INPP1: variants seen among roughly 807,000 people sequenced by gnomAD.
INPP1 encodes inositol polyphosphate 1-phosphatase.
A neutral mutation model predicts 23.0 loss-of-function variants in INPP1; 18 were observed. That is an observed-to-expected ratio of 0.78 (90% CI 0.54 to 1.16). INPP1 has a LOEUF of 1.16. INPP1 is among the 50% of genes most tolerant of loss of function. INPP1 has a pLI of 0.00. For missense variants in INPP1, 448 were observed against 482.1 expected, an observed-to-expected ratio of 0.93 and a Z score of 0.66; for synonymous variants, 164 against 176.3, an observed-to-expected ratio of 0.93 and a Z score of 0.55.
At chr2:190,364,169 A>G (rs1689589786) in intron 4 of INPP1, among the ~76,000 whole-genome samples, 1 of 152,236 alleles carries the variant, frequency 6.6e-6, no homozygotes, top group East Asian at 1.9e-4. Context: ...TTGCTGATTC[A>G]GTCATCACTG....
intron 2 of INPP1, among the ~76,000 whole-genome samples, chr2:190,357,922 C>T (rs1689449109): frequency 6.6e-6 from 1 of 152,144 alleles, no homozygotes; most frequent in East Asian, 1.9e-4. Flanking sequence ...GACATATTTT[C>T]TCATAGTGGT....
chr2:190,343,941 C>A lies in INPP1; in HGVS notation c.-229C>A. 4.5e-6 allele frequency: 1 copy of A among 222,636 alleles called. No homozygotes were observed. The highest frequency in any genetic ancestry group is 4.8e-5 in the South Asian group (1 of 21,004). 13.8% of individuals were successfully genotyped at this position (222,636 alleles called of 1,614,324 possible). A position where few individuals can be genotyped will look rare whatever the true frequency, so the allele number is the denominator to read the frequency against. On this transcript the variant is annotated 5_prime_UTR_variant, in exon 1 of 7. In the 5' UTR this introduces an upstream ATG that the reference lacks. Coordinates refer to ENST00000392329, the MANE Select transcript of INPP1 (RefSeq NM_001128928.2). ...GAGGGAAAGGCTGCTGCCTCCTGCT[C>A]TGTCCTCATCCCCGGCTTAGGTAAC...
intron 6 of INPP1, 148 bp from the exon 7 acceptor site, chr2:190,370,696 C>A (rs1018502038): frequency 1.5e-6 from 1 of 664,402 alleles, no homozygotes. Flanking sequence ...AAACTAGCTA[C>A]CTGATATCTA....
In INPP1 at chr2:190,355,462, T is replaced by C. The variant is rs935207965; in HGVS notation, c.-64-4577T>C. ...AATAAGCAACCTGGAGAACTGGAGC[T>C]ATTAAATCTGTGTTTAGAGTTATAC... is the stretch of plus-strand genomic sequence containing the variant. On this transcript the variant is annotated intron_variant, in intron 2 of 6. Transcript: ENST00000392329. The surrounding 1 kb of genome is among the most constrained non-coding windows in gnomAD (Gnocchi z 5.1). Among the ~76,000 whole-genome samples, 2 of 152,136 alleles carry C rather than the reference T, an allele frequency of 1.3e-5. No individual in the cohort carries two copies. The highest frequency in any genetic ancestry group is 2.9e-5 in the Non-Finnish European group (2 of 68,034).
intron 2 of INPP1, among the ~76,000 whole-genome samples, chr2:190,349,869 A>G (rs1045072324): frequency 2.6e-5 from 4 of 152,250 alleles, no homozygotes; most frequent in Non-Finnish European, 4.4e-5. Flanking sequence ...TTTTTGAGAC[A>G]GAGTTCACCG....
In INPP1 at chr2:190,352,509, GT is replaced by G. The variant is rs1181167558; in HGVS notation, c.-65+3481del. Among the ~76,000 whole-genome samples, 3 of 152,196 alleles carry G rather than the reference GT, an allele frequency of 2.0e-5. No homozygotes were observed. Among genetic ancestry groups the G allele is most frequent in the African/African-American group, 7.2e-5 (3 of 41,440 alleles). On this transcript the variant is annotated intron_variant, in intron 2 of 6. Transcript: ENST00000392329. This position sits in a 1 kb window ranked among gnomAD's most constrained non-coding sequence, Gnocchi z 4.7. ...AATCTCTAGTAAGGCTTGTAGTACA[GT>G]TTCCCTCTGGCCTCACAGGAATCTC...
At position 190,371,521 on chromosome 2, in the gene INPP1, G is replaced by A; in HGVS notation, c.*119G>A. Reference sequence around the variant, plus strand: ...TTAACATTCACCTTCCTCTTTTGAGGAGTATTTTTCCATTATGTATTCATA... The same window carrying A: ...TTAACATTCACCTTCCTCTTTTGAGAAGTATTTTTCCATTATGTATTCATA... On this transcript the variant is annotated 3_prime_UTR_variant, in exon 7 of 7. Transcript: ENST00000392329. The surrounding 1 kb of genome is among the most constrained non-coding windows in gnomAD (Gnocchi z 5.3). 1.5e-6 allele frequency: 1 copy of A among 648,888 alleles called. No individual in the cohort carries two copies. Among genetic ancestry groups the A allele is most frequent in the Non-Finnish European group, 2.4e-6 (1 of 409,362 alleles). The allele number at this position is 648,888 out of a possible 1,614,324, so 40.2% of individuals were successfully genotyped here.
chr2:190,370,268 C>G (rs757595985), intron 6 of INPP1, among the ~76,000 whole-genome samples: 1 of 152,100 alleles, frequency 6.6e-6, no homozygotes, highest in Non-Finnish European at 1.5e-5. Flanking sequence ...AAGCCTGTTT[C>G]CTTATCTGTA....
chr2:190,368,992 C>A lies in INPP1; in HGVS notation c.467-111C>A. The stretch of plus-strand genomic sequence containing the variant: ...AATAACAATTCAATACAGTGACATC[C>A]AAAGGTAAAAAATTATTGGTTACCA... On this transcript the variant is annotated intron_variant, in intron 5 of 6. Transcript: ENST00000392329. The surrounding 1 kb of genome is among the most constrained non-coding windows in gnomAD (Gnocchi z 4.3). 1 of 582,844 alleles carries A rather than the reference C, an allele frequency of 1.7e-6. No homozygotes were observed. Among genetic ancestry groups the A allele is most frequent in the Non-Finnish European group, 2.9e-6 (1 of 349,534 alleles). The allele number at this position is 582,844 out of a possible 1,614,324, so 36.1% of individuals were successfully genotyped here.
Position 190,356,684 on chromosome 2 carries a change from G to A in INPP1, c.-64-3355G>A, listed in dbSNP as rs2736618. 6.6e-6 allele frequency: 1 copy of A among 152,084 alleles called. No homozygotes were observed. The highest frequency in any genetic ancestry group is 2.4e-5 in the African/African-American group (1 of 41,374). The allele number at this position is 152,084 out of a possible 1,614,324, so 9.4% of individuals were successfully genotyped here. A position where few individuals can be genotyped will look rare whatever the true frequency, so the allele number is the denominator to read the frequency against. The stretch of plus-strand genomic sequence containing the variant: ...TGTTTCTTGGTTATTCAACAGTGTA[G>A]TTAGTATCGTTTCTTTTAAGAAAAA... On this transcript the variant is annotated intron_variant, in intron 2 of 6. Transcript: ENST00000392329. This position sits in a 1 kb window ranked among gnomAD's most constrained non-coding sequence, Gnocchi z 6.4.
In INPP1 at chr2:190,348,070, G is replaced by A. The variant is rs548464826; in HGVS notation, c.-208-818G>A. On this transcript the variant is annotated intron_variant, in intron 1 of 6. Transcript: ENST00000392329. ...GGAGAATCGCTTGAACCTGGGAGGC[G>A]GAGGTTGCAGTGAGTCAAGATCGTG... is the stretch of plus-strand genomic sequence containing the variant. 2.2e-3 allele frequency among the ~76,000 whole-genome samples: 330 copies of A among 152,288 alleles called. 3 individuals carry two copies. Among genetic ancestry groups the A allele is most frequent in the African/African-American group, 6.8e-3 (281 of 41,556 alleles).
rs1472372081 is a variant in INPP1, at chr2:190,347,055, A to G, written c.-208-1833A>G. Among the ~76,000 whole-genome samples the G allele has an allele frequency of 3.3e-5, 4 of 120,234 alleles. No individual in the cohort carries two copies. In the East Asian group the frequency reaches 9.6e-4, roughly 29 times the overall value. The allele number at this position is 120,234 out of a possible 152,430, so 78.9% of individuals were successfully genotyped here. A position where few individuals can be genotyped will look rare whatever the true frequency, so the allele number is the denominator to read the frequency against. On this transcript the variant is annotated intron_variant, in intron 1 of 6. Coordinates refer to ENST00000392329, the MANE Select transcript of INPP1 (RefSeq NM_001128928.2). ...GAGACAGAGCCTCACTCTGTTGCCCAGGCTAGAGTGCAGTGGTGTGATCTC... is the reference window on the plus strand; with the variant it reads ...GAGACAGAGCCTCACTCTGTTGCCCGGGCTAGAGTGCAGTGGTGTGATCTC...
chr2:190,364,047 C>T (rs1689586770), intron 4 of INPP1, among the ~76,000 whole-genome samples: 1 of 152,176 alleles, frequency 6.6e-6, no homozygotes, highest in Non-Finnish European at 1.5e-5. Context: ...ATAAGTTTTA[C>T]TGAGCCCAGA....
intron 1 of INPP1, among the ~76,000 whole-genome samples, chr2:190,344,915 G>C (rs930908906): frequency 1.3e-5 from 2 of 152,182 alleles, no homozygotes; most frequent in Admixed American, 6.5e-5. Flanking sequence ...TCCTAGCTTT[G>C]AAGCCAGAAA....
Position 190,360,119 on chromosome 2 carries a change from G to C in INPP1, c.17G>C (p.Arg6Pro), listed in dbSNP as rs201430776. 28 of 1,613,188 alleles carry C rather than the reference G, an allele frequency of 1.7e-5. No individual in the cohort carries two copies. The highest frequency in any genetic ancestry group is 2.4e-5 in the Non-Finnish European group (28 of 1,180,026). Residue 6 changes from arginine to proline, a missense_variant, in exon 3 of 7, where the codon CGG becomes CCG. By Grantham distance (103) the Arg-to-Pro change is moderately radical. Transcript: ENST00000392329. MSDILRELLCVSEKAA... is the reference protein window; with the variant it reads MSDILPELLCVSEKAA... ...GGTTCAGAAATGTCAGATATCCTCCGGGAGCTGCTCTGTGTCTCTGAGAAG... is the reference window on the plus strand; with the variant it reads ...GGTTCAGAAATGTCAGATATCCTCCCGGAGCTGCTCTGTGTCTCTGAGAAG...
In INPP1 at chr2:190,363,799, C is replaced by T. The variant is rs6707602; in HGVS notation, c.265+1112C>T. On this transcript the variant is annotated intron_variant, in intron 4 of 6. Coordinates refer to ENST00000392329, the MANE Select transcript of INPP1 (RefSeq NM_001128928.2). The surrounding 1 kb of genome is among the most constrained non-coding windows in gnomAD (Gnocchi z 4.4). The stretch of plus-strand genomic sequence containing the variant: ...CTACGCTTGACTACTTCACAAACAG[C>T]TATTTTAATACATCATTTGTCTAGA... Among the ~76,000 whole-genome samples, 62,600 of 152,030 alleles carry T rather than the reference C, an allele frequency of 0.41. 14,896 individuals are homozygous for T. The highest frequency in any genetic ancestry group is 0.66 in the African/African-American group (27,255 of 41,452).
rs13398967 is a variant in INPP1, at chr2:190,355,945, T to A, written c.-64-4094T>A. Among the ~76,000 whole-genome samples, 1,884 of 151,512 alleles carry A rather than the reference T, an allele frequency of 0.012. 43 individuals carry two copies. Among genetic ancestry groups the A allele is most frequent in the African/African-American group, 0.043 (1,756 of 41,010 alleles). On this transcript the variant is annotated intron_variant, in intron 2 of 6. Coordinates refer to ENST00000392329, the MANE Select transcript of INPP1 (RefSeq NM_001128928.2). The surrounding 1 kb of genome is among the most constrained non-coding windows in gnomAD (Gnocchi z 5.1). ...ATAAAAGTTGAAAAAATAAATAAAT[T>A]AATTAAAAAATCATCTGAAAGATAA...
rs547065844 is a variant in INPP1 at position 190,348,059 on chromosome 2, AC to A, written c.-208-827del. On this transcript the variant is annotated intron_variant, in intron 1 of 6. Coordinates refer to ENST00000392329, the MANE Select transcript of INPP1 (RefSeq NM_001128928.2). ...GGGCTAAGGCAGGAGAATCGCTTGA[AC>A]CTGGGAGGCGGAGGTTGCAGTGAGT... Among the ~76,000 whole-genome samples the A allele has an allele frequency of 2.0e-5, 3 of 152,316 alleles. No homozygotes were observed. In the South Asian group the frequency reaches 6.2e-4, roughly 32 times the overall value.
At chr2:190,361,526 T>C (rs947600911) in intron 3 of INPP1, among the ~76,000 whole-genome samples, 3 of 152,178 alleles carry the variant, frequency 2.0e-5, no homozygotes, top group Admixed American at 6.5e-5. Context: ...TCAATATAGT[T>C]GGGTGCAAGG....
Sources: allele counts gnomAD v4.1 joint callset (sites outside exome capture counted in the v4.1 genomes callset), GRCh38; gene constraint gnomAD v4.1.1; non-coding constraint Gnocchi (gnomAD v3.1); transcripts MANE v1.5; gene names NCBI Gene and HGNC (gene_info 2026-07-23, HGNC 2026-07-21).